The following CCDC66 variants were observed in gnomAD, a reference collection of about 807,000 sequenced individuals.
CCDC66 encodes the protein coiled-coil domain-containing protein 66.
CCDC66 carries 133 observed loss-of-function variants against 128.3 expected under a neutral mutation model. The ratio of observed to expected loss-of-function variants is 1.04; its 90% CI spans 0.90 to 1.20. The LOEUF (loss-of-function observed/expected upper bound fraction) is 1.20, where lower values mean the gene tolerates loss of function less well. Ranked by LOEUF, CCDC66 falls within the 50% of genes most tolerant of loss-of-function variation. The probability of loss-of-function intolerance (pLI) is 0.00; values close to 1 mark genes in which losing one functional copy is unlikely to be tolerated. For missense variants in CCDC66, 1,126 were observed against 1,075.5 expected (o/e 1.05, Z -0.66); for synonymous variants, 387 against 357.0 (o/e 1.08, Z -0.95).
In CCDC66 at chr3:56,588,507, A is replaced by G. The variant is rs184894011; in HGVS notation, c.937-4463A>G. Among the ~76,000 whole-genome samples, 40 of 152,350 alleles carry G rather than the reference A, an allele frequency of 2.6e-4. 1 individual carries two copies. The East Asian group carries it at 6.9e-3, about 26-fold the overall frequency. On this transcript the variant is annotated intron_variant, in intron 7 of 17. Transcript: ENST00000394672. ...GTTTTACCCATTACTTTCAATGGCA[A>G]AAACCGCAATTTACTTTTGCATCAA... is the stretch of plus-strand genomic sequence containing the variant.
At chr3:56,587,251 T>G (rs2106829677) in intron 7 of CCDC66, among the ~76,000 whole-genome samples, 1 of 152,004 alleles carries the variant, frequency 6.6e-6, no homozygotes, top group South Asian at 2.1e-4. Context: ...GCTATAAAAG[T>G]CTCAACAAAT....
chr3:56,613,598 A>G lies in CCDC66; in HGVS notation c.1414A>G (p.Thr472Ala), dbSNP rs369656315. 7 of 1,611,222 alleles carry G rather than the reference A, an allele frequency of 4.3e-6. No individual in the cohort carries two copies. Among genetic ancestry groups the G allele is most frequent in the Middle Eastern group, 1.6e-4 (1 of 6,062 alleles). ...QKQLEHQKAI[T>A]AQVEEKRRKK... ...GATTGCTTATGACTAGAAAGCCATC[A>G]CTGCCCAGGTAGAAGAGAAGCGCAG... Residue 472 changes from threonine (T) to alanine (A), a missense_variant, in exon 11 of 18, where the codon ACT becomes GCT. Coordinates refer to ENST00000394672, the MANE Select transcript of CCDC66 (RefSeq NM_001141947.3).
chr3:56,596,480 G>C (rs942857716), intron 10 of CCDC66, among the ~76,000 whole-genome samples: 5 of 141,902 alleles, frequency 3.5e-5, no homozygotes, highest in Admixed American at 1.4e-4. Flanking sequence ...TGAATAGTTT[G>C]CAGATATTCA....
At chr3:56,578,087 T>C (rs2067693642) in intron 7 of CCDC66, among the ~76,000 whole-genome samples, 1 of 151,842 alleles carries the variant, frequency 6.6e-6, no homozygotes, top group South Asian at 2.1e-4. Flanking sequence ...TGTCCTCTTT[T>C]ATTTCCTTGA....
At chr3:56,603,481 T>C (rs2073576903) in intron 10 of CCDC66, among the ~76,000 whole-genome samples, 2 of 152,054 alleles carry the variant, frequency 1.3e-5, no homozygotes, top group Admixed American at 1.3e-4. Flanking sequence ...TTTTGGTACG[T>C]TGTCTCTTTG....
intron 13 of CCDC66, chr3:56,616,630 T>C (rs921461429): frequency 6.4e-6 from 1 of 155,622 alleles, no homozygotes; most frequent in African/African-American, 2.4e-5. Flanking sequence ...ATATAGATTT[T>C]TGTGGATGTA....
At chr3:56,621,483 A>G in intron 17 of CCDC66, 49 bp from the exon 18 acceptor site, 1 of 1,152,950 alleles carries the variant, frequency 8.7e-7, no homozygotes, top group Non-Finnish European at 1.3e-6. Flanking sequence ...CAACATTGCA[A>G]GTCAGGTGTG....
intron 13 of CCDC66, 90 bp from the exon 14 acceptor site, chr3:56,617,022 G>A (rs2075609121): frequency 2.9e-6 from 3 of 1,027,140 alleles, no homozygotes; most frequent in Non-Finnish European, 4.1e-6. Flanking sequence ...AGTCTTAGAG[G>A]GCAATAATTG....
chr3:56,613,927 G>A (rs1319765806), intron 11 of CCDC66, among the ~76,000 whole-genome samples, 177 bp downstream of exon 11: 2 of 152,006 alleles, frequency 1.3e-5, no homozygotes, highest in Non-Finnish European at 2.9e-5. Flanking sequence ...CTACAGGCAC[G>A]TACCAACACA....
intron 3 of CCDC66, chr3:56,561,152 T>C (rs546344156): frequency 2.2e-6 from 1 of 449,946 alleles, no homozygotes; most frequent in Admixed American, 2.4e-5. Flanking sequence ...CTATTAAAAA[T>C]TGCAACTAAC....
intron 1 of CCDC66, among the ~76,000 whole-genome samples, chr3:56,558,291 GCTA>G (rs1258147848): frequency 6.6e-6 from 1 of 152,120 alleles, no homozygotes; most frequent in Non-Finnish European, 1.5e-5. Flanking sequence ...GTTGGCAGTG[GCTA>G]CTGTTACTTT....
chr3:56,584,658 G>A (rs1251028965), intron 7 of CCDC66, among the ~76,000 whole-genome samples: 1 of 151,714 alleles, frequency 6.6e-6, no homozygotes, highest in African/African-American at 2.4e-5. Context: ...TGGGCAGCCA[G>A]GCAGAGACGC....
At position 56,587,305 on chromosome 3, in the gene CCDC66, AGTTT is replaced by A. The variant is rs976075579; in HGVS notation, c.937-5661_937-5658del. On this transcript the variant is annotated intron_variant, in intron 7 of 17. Coordinates refer to ENST00000394672, the MANE Select transcript of CCDC66 (RefSeq NM_001141947.3). ...ATAGAATGTTATAGTGGATTTTATT[AGTTT>A]GTTCTCTCATTACTGTAAAGAAATC... Among the ~76,000 whole-genome samples, 18 of 151,900 alleles carry A rather than the reference AGTTT, an allele frequency of 1.2e-4. 1 individual carries two copies. Among genetic ancestry groups the A allele is most frequent in the Admixed American group, 3.3e-4 (5 of 15,150 alleles).
chr3:56,578,593 A>G (rs1339226233), intron 7 of CCDC66, among the ~76,000 whole-genome samples: 1 of 151,756 alleles, frequency 6.6e-6, no homozygotes, highest in Non-Finnish European at 1.5e-5. Flanking sequence ...ATCAATACCT[A>G]GTTTATTGAG....
At chr3:56,613,771 T>A in intron 11 of CCDC66, 21 bp downstream of exon 11, 1 of 1,589,114 alleles carries the variant, frequency 6.3e-7, no homozygotes, top group Non-Finnish European at 8.6e-7. Flanking sequence ...ACATTCTAAT[T>A]GTAACTTTGG....
At chr3:56,593,401 G>A in intron 8 of CCDC66, 90 bp from the exon 9 acceptor site, 1 of 1,421,626 alleles carries the variant, frequency 7.0e-7, no homozygotes, top group Non-Finnish European at 9.7e-7. Flanking sequence ...GCTCTAAGGT[G>A]ACTTTTAGAA....
At position 56,617,589 on chromosome 3, in the gene CCDC66, G is replaced by A; in HGVS notation, c.2321G>A (p.Trp774Ter). Residue 774 changes from tryptophan to a stop codon, truncating the protein, a stop_gained, in exon 14 of 18, where the codon TGG becomes TAG. Coordinates refer to ENST00000394672, the MANE Select transcript of CCDC66 (RefSeq NM_001141947.3). LOFTEE classifies it high-confidence loss of function. Reference sequence around the variant, plus strand: ...CAAGAAACGGAGTCAAAGTTGAGGTGGCATCTAGTCAAAAAGGTAAAGCTC... The same window carrying A: ...CAAGAAACGGAGTCAAAGTTGAGGTAGCATCTAGTCAAAAAGGTAAAGCTC... ...SHQETESKLR[W>*]HLVKKEEEPL... 1 of 1,601,404 alleles carries A rather than the reference G, an allele frequency of 6.2e-7. No homozygotes were observed. The highest frequency in any genetic ancestry group is 8.5e-7 in the Non-Finnish European group (1 of 1,176,452).
chr3:56,606,122 C>T (rs564815727), intron 10 of CCDC66, among the ~76,000 whole-genome samples: 6 of 152,184 alleles, frequency 3.9e-5, no homozygotes, highest in African/African-American at 9.7e-5. Flanking sequence ...GCCCCTCACC[C>T]CACCAAGCTT....
intron 10 of CCDC66, among the ~76,000 whole-genome samples, chr3:56,605,823 T>G (rs796807874): frequency 4.6e-5 from 7 of 152,100 alleles, no homozygotes; most frequent in African/African-American, 1.7e-4. Flanking sequence ...ACTGCTCTCT[T>G]CAGAGCCATC....
Sources: gnomAD v4.1 joint callset for allele counts (sites outside exome capture counted in the v4.1 genomes callset) on GRCh38, gnomAD v4.1.1 for gene constraint, MANE v1.5 for transcripts, NCBI Gene and HGNC (gene_info 2026-07-23, HGNC 2026-07-21) for gene names.